The following TPST1 variants were observed in gnomAD, a reference collection of about 807,000 sequenced individuals.
TPST1 encodes the protein tyrosylprotein sulfotransferase 1, also known as protein-tyrosine sulfotransferase 1.
A neutral mutation model predicts 34.8 loss-of-function variants in TPST1; 20 were observed. That is an observed-to-expected ratio of 0.57 (90% CI 0.40 to 0.84). The LOEUF (loss-of-function observed/expected upper bound fraction) is 0.84, where lower values mean the gene tolerates loss of function less well. Ranked by LOEUF, TPST1 falls within the 40% of genes least tolerant of loss-of-function variation. The pLI, the probability that TPST1 is intolerant of heterozygous loss-of-function variation, is 0.00. For missense variants in TPST1, 353 were observed against 455.5 expected (o/e 0.78, Z 2.05); for synonymous variants, 152 against 159.4 (o/e 0.95, Z 0.35).
At chr7:66,292,643 T>C (rs543720346) in intron 3 of TPST1, among the ~76,000 whole-genome samples, 1 of 127,588 alleles carries the variant, frequency 7.8e-6, no homozygotes, top group South Asian at 2.6e-4. Flanking sequence ...GTCACCCCTT[T>C]CTTTGACTCG....
intron 3 of TPST1, among the ~76,000 whole-genome samples, chr7:66,304,540 A>C (rs1322141449): frequency 6.6e-6 from 1 of 152,198 alleles, no homozygotes; most frequent in African/African-American, 2.4e-5. Context: ...GTGCCAGTTG[A>C]CCATCCAGCA....
chr7:66,320,014 C>G (rs191379555), intron 3 of TPST1, among the ~76,000 whole-genome samples: 1 of 152,124 alleles, frequency 6.6e-6, no homozygotes. Flanking sequence ...TGGTAGCACC[C>G]GATCTGGAAG....
chr7:66,265,447 G>T (rs1003317290), intron 2 of TPST1, among the ~76,000 whole-genome samples: 3 of 152,028 alleles, frequency 2.0e-5, no homozygotes, highest in African/African-American at 7.2e-5. Context: ...CTACTCAGGA[G>T]GCTGAGGTTG....
upstream of TPST1, among the ~76,000 whole-genome samples, chr7:66,202,823 C>T (rs780796768): frequency 2.6e-5 from 4 of 152,114 alleles, no homozygotes; most frequent in Admixed American, 6.6e-5. Flanking sequence ...CCTGTAATCC[C>T]GTCACTTTGG....
At chr7:66,215,448 C>G (rs973110581) in intron 1 of TPST1, among the ~76,000 whole-genome samples, 2 of 151,642 alleles carry the variant, frequency 1.3e-5, no homozygotes, top group African/African-American at 4.8e-5. Context: ...GATCTCGGCT[C>G]GCTGCAAGCT....
At chr7:66,261,370 G>T (rs546478985) in intron 2 of TPST1, among the ~76,000 whole-genome samples, 1 of 151,126 alleles carries the variant, frequency 6.6e-6, no homozygotes, top group African/African-American at 2.4e-5. Context: ...AACTCATCAC[G>T]TGTGGGCAGC....
At chr7:66,256,613 T>A (rs575943753) in intron 2 of TPST1, among the ~76,000 whole-genome samples, 1 of 152,350 alleles carries the variant, frequency 6.6e-6, no homozygotes, top group South Asian at 2.1e-4. Flanking sequence ...GTAAAGAAGA[T>A]GGAAGTTACA....
intron 1 of TPST1, among the ~76,000 whole-genome samples, chr7:66,209,203 G>T (rs568754541): frequency 1.3e-5 from 2 of 152,252 alleles, no homozygotes; most frequent in East Asian, 3.9e-4. Context: ...AACCTGGGAG[G>T]CAGAGGTTAC....
chr7:66,276,639 T>C (rs1214254570), intron 2 of TPST1, among the ~76,000 whole-genome samples: 1 of 152,016 alleles, frequency 6.6e-6, no homozygotes, highest in African/African-American at 2.4e-5. Context: ...TTGTATTTAT[T>C]AACTCTTGTC....
At chr7:66,348,862 G>C (rs779271973) in intron 3 of TPST1, among the ~76,000 whole-genome samples, 5 of 152,046 alleles carry the variant, frequency 3.3e-5, no homozygotes, top group African/African-American at 1.2e-4. Flanking sequence ...GAATTTTTGC[G>C]TGAGCCTTTA....
intron 3 of TPST1, among the ~76,000 whole-genome samples, chr7:66,309,849 G>C (rs1456312906): frequency 6.6e-6 from 1 of 151,146 alleles, no homozygotes; most frequent in Admixed American, 6.6e-5. Flanking sequence ...TTTTAACAGG[G>C]AAAAAAAGAG....
chr7:66,328,878 C>T (rs1291400413), intron 3 of TPST1, among the ~76,000 whole-genome samples: 1 of 25,248 alleles, frequency 4.0e-5, no homozygotes, highest in Non-Finnish European at 7.8e-5. Flanking sequence ...CTCTCTCTCT[C>T]TCTCTCTCTA....
chr7:66,320,837 A>T (rs1791741809), intron 3 of TPST1, among the ~76,000 whole-genome samples: 2 of 151,704 alleles, frequency 1.3e-5, no homozygotes, highest in African/African-American at 4.8e-5. Context: ...ACCTCAGGTG[A>T]TCTGCCCGCC....
intron 3 of TPST1, among the ~76,000 whole-genome samples, chr7:66,300,637 G>A (rs1584220215): frequency 6.6e-6 from 1 of 152,152 alleles, no homozygotes; most frequent in African/African-American, 2.4e-5. Flanking sequence ...CTTAAGAAAT[G>A]TATTTCTTAA....
intron 3 of TPST1, among the ~76,000 whole-genome samples, chr7:66,322,270 T>C (rs943390798): frequency 1.3e-5 from 2 of 152,222 alleles, no homozygotes; most frequent in Admixed American, 6.5e-5. Flanking sequence ...TAAAATACTC[T>C]CTTAAAGATT....
intron 2 of TPST1, among the ~76,000 whole-genome samples, chr7:66,255,932 A>G (rs550104431): frequency 6.6e-6 from 1 of 152,194 alleles, no homozygotes; most frequent in Admixed American, 6.5e-5. Flanking sequence ...GGTTTTAGTG[A>G]TCATTGATGA....
intron 3 of TPST1, among the ~76,000 whole-genome samples, chr7:66,318,020 G>A (rs916158826): frequency 5.3e-5 from 8 of 152,062 alleles, no homozygotes; most frequent in East Asian, 1.9e-4. Context: ...TTAGCCAGGC[G>A]GGGTGGCAGG....
At chr7:66,215,851 C>A (rs1789394777) in intron 1 of TPST1, among the ~76,000 whole-genome samples, 1 of 147,370 alleles carries the variant, frequency 6.8e-6, no homozygotes, top group Non-Finnish European at 1.5e-5. Context: ...CGGCTCACTG[C>A]AAGCTCCACC....
chr7:66,305,689 A>G (rs1791408306), intron 3 of TPST1, among the ~76,000 whole-genome samples: 3 of 152,328 alleles, frequency 2.0e-5, no homozygotes, highest in South Asian at 4.1e-4. Flanking sequence ...GTCTCCCCCA[A>G]AGAAGCACTT....
Sources: gnomAD v4.1 joint callset for allele counts (sites outside exome capture counted in the v4.1 genomes callset) on GRCh38, gnomAD v4.1.1 for gene constraint, MANE v1.5 for transcripts, NCBI Gene and HGNC (gene_info 2026-07-23, HGNC 2026-07-21) for gene names.